The following CHN2 variants were observed in gnomAD, a reference collection of about 807,000 sequenced individuals.
CHN2 encodes the protein chimerin 2.
In CHN2, 35 loss-of-function variants were observed where a neutral mutation model predicts 56.3. That is an observed-to-expected ratio of 0.62 (90% CI 0.47 to 0.82). The LOEUF (loss-of-function observed/expected upper bound fraction) is 0.82. Among genes scored for constraint, CHN2 ranks in the 40% least tolerant of loss-of-function variants. The pLI is 0.00. For synonymous variants in CHN2, 210 were observed against 212.8 expected (o/e 0.99, Z 0.12); for missense variants, 491 against 580.5 (o/e 0.85, Z 1.58).
intron 7 of CHN2, among the ~76,000 whole-genome samples, chr7:29,492,567 G>A (rs1174003737): frequency 6.6e-6 from 1 of 151,980 alleles, no homozygotes; most frequent in Non-Finnish European, 1.5e-5. Context: ...CTTACCTATT[G>A]TATCAAGTTC....
chr7:29,478,689 A>G (rs540092573), intron 6 of CHN2, among the ~76,000 whole-genome samples: 1 of 152,312 alleles, frequency 6.6e-6, no homozygotes, highest in East Asian at 1.9e-4. Context: ...CTCTTCATCC[A>G]AAAGAATCGG....
chr7:29,263,713 G>A (rs913850586), intron 1 of CHN2, among the ~76,000 whole-genome samples: 3 of 150,766 alleles, frequency 2.0e-5, no homozygotes, highest in African/African-American at 7.3e-5. Context: ...GTCTCTGCCC[G>A]GCCGCCCATC....
In CHN2 at chr7:29,441,570, C is replaced by A. The variant is rs770656498; in HGVS notation, c.577-38709C>A. On this transcript the variant is annotated intron_variant, in intron 6 of 12. Coordinates refer to ENST00000222792, the MANE Select transcript of CHN2 (RefSeq NM_004067.4). ...CTTGAAAATCATATATCTGATAAGG[C>A]TGTTATATTTCAACAACCAAAAGAC... 1.6e-4 allele frequency among the ~76,000 whole-genome samples: 25 copies of A among 152,106 alleles called. 1 individual carries two copies. Among genetic ancestry groups the A allele is most frequent in the South Asian group, 1.4e-3 (7 of 4,830 alleles).
intron 1 of CHN2, among the ~76,000 whole-genome samples, chr7:29,233,924 C>G (rs1365247858): frequency 2.1e-5 from 3 of 141,314 alleles, no homozygotes; most frequent in Non-Finnish European, 4.6e-5. Context: ...AGCTCCGCCT[C>G]CCGGGTTCAC....
chr7:29,203,287 T>C (rs1482081864), intron 1 of CHN2, among the ~76,000 whole-genome samples: 1 of 151,936 alleles, frequency 6.6e-6, no homozygotes, highest in Non-Finnish European at 1.5e-5. Flanking sequence ...ACCATCATGG[T>C]GAAACCTGGT....
rs186021257 is a variant in CHN2, at chr7:29,175,738, C to T, written c.274+28778C>T. On this transcript the variant is annotated intron_variant, in intron 2 of 6. Transcript: ENST00000439384. Reference sequence around the variant, plus strand: ...AGTAGTAGAAGATAAGTTACCCAAGCGGAGCACAGGGAAAAAAACAAAACA... The same window carrying T: ...AGTAGTAGAAGATAAGTTACCCAAGTGGAGCACAGGGAAAAAAACAAAACA... Among the ~76,000 whole-genome samples the T allele has an allele frequency of 3.6e-3, 549 of 151,584 alleles. 1 individual carries two copies. The highest frequency in any genetic ancestry group is 6.4e-3 in the Non-Finnish European group (433 of 67,952).
In CHN2 at chr7:29,195,004, C is replaced by G. The variant is rs756182122; in HGVS notation, c.49+14C>G. 4 of 1,583,978 alleles carry G rather than the reference C, an allele frequency of 2.5e-6. No homozygotes were observed. The highest frequency in any genetic ancestry group is 2.3e-5 in the South Asian group (2 of 87,472). On this transcript the variant is annotated intron_variant, in intron 1 of 12. Transcript: ENST00000222792. ...CGGTGTCCTCCGGTGAGTTTCAGCC[C>G]GTCGGGCGCTGCTGCCGCGCCGGGT...
At chr7:29,442,803 G>A (rs1458402928) in intron 6 of CHN2, among the ~76,000 whole-genome samples, 2 of 151,996 alleles carry the variant, frequency 1.3e-5, no homozygotes, top group Non-Finnish European at 2.9e-5. Context: ...GCATACATAC[G>A]AGGTCGTTTT....
intron 7 of CHN2, among the ~76,000 whole-genome samples, chr7:29,489,666 T>G (rs888319088): frequency 2.0e-5 from 3 of 152,208 alleles, no homozygotes; most frequent in Non-Finnish European, 2.9e-5. Context: ...CTTTACATCC[T>G]TGCTCTATTC....
rs143882893 is a variant in CHN2, at chr7:29,169,152, A to G, written c.274+22192A>G. ...TTTCAGTTTTCTTTCTTTCATACCT[A>G]TTCTAGGTGGTCTATGCATTGTATA... On this transcript the variant is annotated intron_variant, in intron 2 of 6. Transcript: ENST00000439384. Among the ~76,000 whole-genome samples the G allele has an allele frequency of 6.6e-3, 1,002 of 152,160 alleles. 11 individuals are homozygous for G. The highest frequency in any genetic ancestry group is 0.022 in the African/African-American group (913 of 41,518).
intron 1 of CHN2, among the ~76,000 whole-genome samples, chr7:29,236,151 A>G (rs1787180918): frequency 6.6e-6 from 1 of 152,240 alleles, no homozygotes; most frequent in South Asian, 2.1e-4. Context: ...TCTTGAAATA[A>G]GCTTCCCTGG....
At chr7:29,245,406 C>T (rs890910849) in intron 1 of CHN2, among the ~76,000 whole-genome samples, 1 of 152,154 alleles carries the variant, frequency 6.6e-6, no homozygotes, top group Non-Finnish European at 1.5e-5. Context: ...TTAGCACATA[C>T]TTAGTATCTT....
At chr7:29,368,632 G>A (rs920940051) in intron 3 of CHN2, among the ~76,000 whole-genome samples, 1 of 152,104 alleles carries the variant, frequency 6.6e-6, no homozygotes, top group African/African-American at 2.4e-5. Context: ...CTATTAATGG[G>A]ATTAAATATA....
At chr7:29,488,632 G>A (rs756075369) in intron 7 of CHN2, among the ~76,000 whole-genome samples, 45 of 152,242 alleles carry the variant, frequency 3.0e-4, no homozygotes, top group South Asian at 1.0e-3. Flanking sequence ...GACAAATTGA[G>A]GCAATAAGGT....
intron 1 of CHN2, among the ~76,000 whole-genome samples, chr7:29,282,856 TAAA>T (rs1434390298): frequency 6.6e-6 from 1 of 151,798 alleles, no homozygotes; most frequent in African/African-American, 2.4e-5. Flanking sequence ...TCTTCCAGTG[TAAA>T]AAATAGGAAT....
At chr7:29,459,718 G>A (rs1053394049) in intron 6 of CHN2, among the ~76,000 whole-genome samples, 10 of 152,166 alleles carry the variant, frequency 6.6e-5, no homozygotes, top group African/African-American at 2.4e-4. Flanking sequence ...ACATCAGCCT[G>A]CACCCTAGCA....
At chr7:29,484,462 C>T (rs771791529) in intron 7 of CHN2, among the ~76,000 whole-genome samples, 1 of 152,202 alleles carries the variant, frequency 6.6e-6, no homozygotes, top group Non-Finnish European at 1.5e-5. Context: ...TGCCCTGCAG[C>T]TCTCTCCTAG....
rs189529377 is a variant in CHN2 at position 29,220,979 on chromosome 7, C to A, written c.49+25989C>A. Among the ~76,000 whole-genome samples, 791 of 152,170 alleles carry A rather than the reference C, an allele frequency of 5.2e-3. 4 individuals carry two copies. The highest frequency in any genetic ancestry group is 0.015 in the African/African-American group (635 of 41,536). On this transcript the variant is annotated intron_variant, in intron 1 of 12. Transcript: ENST00000222792. ...CCATGGTTGATTTAACATTTAAAAA[C>A]CAATCAAAGCCTCGTTAAAAGAATC...
At chr7:29,430,224 G>T (rs1300472509) in intron 6 of CHN2, among the ~76,000 whole-genome samples, 2 of 152,156 alleles carry the variant, frequency 1.3e-5, no homozygotes, top group African/African-American at 2.4e-5. Flanking sequence ...GGAGCTGATG[G>T]TTTTGTCATG....
Sources: allele counts gnomAD v4.1 joint callset (sites outside exome capture counted in the v4.1 genomes callset), GRCh38; gene constraint gnomAD v4.1.1; transcripts MANE v1.5; gene names NCBI Gene and HGNC (gene_info 2026-07-23, HGNC 2026-07-21).